The following DENND2A variants were observed in gnomAD, a reference collection of about 807,000 sequenced individuals.
DENND2A encodes the protein DENN domain containing 2A.
Under a neutral mutation model 105.3 loss-of-function variants are expected in DENND2A, and 53 were observed. That is an observed-to-expected ratio of 0.50 (90% confidence interval 0.40 to 0.63). The LOEUF (loss-of-function observed/expected upper bound fraction) is 0.63. Among genes scored for constraint, DENND2A ranks in the 30% least tolerant of loss-of-function variants. The pLI, the probability that DENND2A is intolerant of heterozygous loss-of-function variation, is 0.00. For synonymous variants in DENND2A, 522 were observed against 508.4 expected (o/e 1.03, Z -0.36); for missense variants, 1,138 against 1,279.6 (o/e 0.89, Z 1.69).
At chr7:140,630,463 G>A (rs1189622437) in intron 1 of DENND2A, among the ~76,000 whole-genome samples, 1 of 152,066 alleles carries the variant, frequency 6.6e-6, no homozygotes, top group Non-Finnish European at 1.5e-5. Flanking sequence ...AATACTTGTT[G>A]AATAAGAATA....
At chr7:140,524,702 C>T (rs559769549) in intron 16 of DENND2A, among the ~76,000 whole-genome samples, 82 of 151,134 alleles carry the variant, frequency 5.4e-4, no homozygotes, top group South Asian at 1.7e-3. Flanking sequence ...CAGCCTCCTG[C>T]GTAGCTGCTG....
At chr7:140,626,355 G>A (rs1427631415) in intron 1 of DENND2A, among the ~76,000 whole-genome samples, 2 of 152,140 alleles carry the variant, frequency 1.3e-5, no homozygotes, top group Admixed American at 6.5e-5. Context: ...TTTTCCCTCT[G>A]AAGGCTTTCC....
At chr7:140,606,753 A>G (rs2130696378) in intron 1 of DENND2A, among the ~76,000 whole-genome samples, 1 of 152,254 alleles carries the variant, frequency 6.6e-6, no homozygotes, top group East Asian at 1.9e-4. Flanking sequence ...GAGTTCCTTA[A>G]ACCCCCCAAA....
chr7:140,623,178 G>T (rs1438119765), intron 1 of DENND2A, among the ~76,000 whole-genome samples: 5 of 151,530 alleles, frequency 3.3e-5, no homozygotes, highest in Non-Finnish European at 7.4e-5. Context: ...AGCCAGGTGT[G>T]GTGGCGGGTG....
rs1585575786 is a variant in DENND2A, at chr7:140,537,642, A to G, written c.2327+6976T>C. On this transcript the variant is annotated intron_variant, in intron 14 of 19. Transcript: ENST00000496613. ...TTGAATATTAAAAACTTTGTCCCCT[A>G]TTAAGGTGTTTTTCATTTGTTTGTT... Among the ~76,000 whole-genome samples the G allele has an allele frequency of 2.6e-5, 4 of 151,198 alleles. No individual in the cohort carries two copies. In the South Asian group the frequency reaches 8.4e-4, roughly 32 times the overall value.
chr7:140,584,861 CAT>C (rs1170003604), intron 5 of DENND2A, among the ~76,000 whole-genome samples: 3 of 152,126 alleles, frequency 2.0e-5, no homozygotes, highest in Non-Finnish European at 4.4e-5. Flanking sequence ...AAAAAACCCA[CAT>C]ATAGACATGT....
At position 140,530,692 on chromosome 7, in the gene DENND2A, C is replaced by G. The variant is rs553460960; in HGVS notation, c.2328-3197G>C. Among the ~76,000 whole-genome samples, 98 of 151,312 alleles carry G rather than the reference C, an allele frequency of 6.5e-4. 4 individuals are homozygous for G. Among genetic ancestry groups the G allele is most frequent in the Non-Finnish European group, 4.1e-4 (28 of 67,776 alleles). On this transcript the variant is annotated intron_variant, in intron 14 of 19. Transcript: ENST00000496613. ...GGACTTATATTAAGGAGAATACTAT[C>G]CAGAATCCAGCCAGAGCTTAGGGTG...
chr7:140,592,707 C>G (rs192925964), intron 3 of DENND2A, among the ~76,000 whole-genome samples: 14 of 152,044 alleles, frequency 9.2e-5, no homozygotes, highest in Admixed American at 2.0e-4. Context: ...TCAAGCAATT[C>G]TCCTGCCTCA....
chr7:140,631,776 GC>G (rs1219349768), intron 1 of DENND2A, among the ~76,000 whole-genome samples: 2 of 152,172 alleles, frequency 1.3e-5, no homozygotes, highest in Non-Finnish European at 1.5e-5. Flanking sequence ...CTCATCTGCA[GC>G]TCAGAGTATT....
intron 14 of DENND2A, among the ~76,000 whole-genome samples, chr7:140,528,586 A>G (rs1287140443): frequency 1.3e-5 from 2 of 150,966 alleles, no homozygotes; most frequent in Admixed American, 6.6e-5. Flanking sequence ...CCTGGCTAAC[A>G]TGGTGAAATT....
chr7:140,551,708 C>G (rs927095310), intron 12 of DENND2A, among the ~76,000 whole-genome samples: 2 of 152,198 alleles, frequency 1.3e-5, no homozygotes, highest in African/African-American at 2.4e-5. Context: ...AACTGATACC[C>G]TTTTCTTCAG....
rs980535455 is a variant in DENND2A, at chr7:140,637,319, G to A, written c.-248+3185C>T. Among the ~76,000 whole-genome samples, 7 of 152,192 alleles carry A rather than the reference G, an allele frequency of 4.6e-5. No individual in the cohort carries two copies. The East Asian group carries it at 7.7e-4, about 17-fold the overall frequency. On this transcript the variant is annotated intron_variant, in intron 1 of 19. Transcript: ENST00000496613. ...CCACTCCTACTGAATGTCAATTTAC[G>A]ACAGCTATAGTTGGCAAGAAATAGT...
intron 12 of DENND2A, among the ~76,000 whole-genome samples, chr7:140,552,509 G>A (rs1563135068): frequency 1.3e-5 from 2 of 150,944 alleles, no homozygotes; most frequent in African/African-American, 4.9e-5. Flanking sequence ...TCCTCCCACC[G>A]CTCAGCCTCC....
intron 12 of DENND2A, among the ~76,000 whole-genome samples, chr7:140,554,173 C>A (rs190304390): frequency 6.6e-6 from 1 of 151,844 alleles, no homozygotes; most frequent in East Asian, 1.9e-4. Flanking sequence ...TTGCAGTGAG[C>A]CGAGGTCGCA....
chr7:140,636,422 AG>A (rs1421760646), intron 1 of DENND2A, among the ~76,000 whole-genome samples: 7 of 152,174 alleles, frequency 4.6e-5, no homozygotes. Flanking sequence ...ACAGGAGTCC[AG>A]GAGACTGTGC....
chr7:140,528,448 A>C (rs1228322808), intron 14 of DENND2A, among the ~76,000 whole-genome samples: 3 of 152,154 alleles, frequency 2.0e-5, no homozygotes, highest in Non-Finnish European at 4.4e-5. Context: ...CCTTACCCAG[A>C]ATTCTGGTCA....
intron 2 of DENND2A, among the ~76,000 whole-genome samples, chr7:140,602,880 C>T (rs1249335380): frequency 6.6e-6 from 1 of 152,072 alleles, no homozygotes; most frequent in Non-Finnish European, 1.5e-5. Flanking sequence ...AAGGAGCAAT[C>T]GGGTTTAGGA....
At chr7:140,598,175 A>T (rs1799354294) in intron 3 of DENND2A, among the ~76,000 whole-genome samples, 1 of 152,258 alleles carries the variant, frequency 6.6e-6, no homozygotes, top group Non-Finnish European at 1.5e-5. Flanking sequence ...GGATGGGTTA[A>T]TATTAAAATA....
chr7:140,596,414 C>A (rs1274634968), intron 3 of DENND2A, among the ~76,000 whole-genome samples: 1 of 152,160 alleles, frequency 6.6e-6, no homozygotes, highest in Non-Finnish European at 1.5e-5. Flanking sequence ...CTCAGGGATG[C>A]CTTGCTGACT....
Sources: gnomAD v4.1 joint callset for allele counts (sites outside exome capture counted in the v4.1 genomes callset) on GRCh38, gnomAD v4.1.1 for gene constraint, MANE v1.5 for transcripts, NCBI Gene and HGNC (gene_info 2026-07-23, HGNC 2026-07-21) for gene names.